CERT1: variants seen among roughly 807,000 people sequenced by gnomAD.
CERT1 encodes the protein ceramide transfer protein.
CERT1 carries 31 observed loss-of-function variants against 87.9 expected under a neutral mutation model. The ratio of observed to expected loss-of-function variants is 0.35; its 90% CI spans 0.27 to 0.48. The LOEUF is 0.48. CERT1 is among the 20% of genes least tolerant of loss of function. The pLI is 0.99. For synonymous variants in CERT1, 289 were observed against 250.9 expected, an observed-to-expected ratio of 1.15 and a Z score of -1.44; for missense variants, 487 against 758.0, an observed-to-expected ratio of 0.64 and a Z score of 4.20.
At chr5:75,386,698 T>G (rs750541816) in intron 12 of CERT1, among the ~76,000 whole-genome samples, 2 of 152,218 alleles carry the variant, frequency 1.3e-5, no homozygotes, top group Non-Finnish European at 2.9e-5. Context: ...GGCTGGACAC[T>G]GTTAGGCATT....
intron 2 of CERT1, among the ~76,000 whole-genome samples, chr5:75,486,220 A>T (rs917251232): frequency 6.6e-6 from 1 of 152,152 alleles, no homozygotes; most frequent in Non-Finnish European, 1.5e-5. Context: ...TACGTGGTAC[A>T]TTATATCCAC....
intron 2 of CERT1, among the ~76,000 whole-genome samples, chr5:75,501,672 T>G (rs1767375938): frequency 6.6e-6 from 1 of 151,804 alleles, no homozygotes; most frequent in Non-Finnish European, 1.5e-5. Flanking sequence ...CAGAAGAGAG[T>G]CCAGAAACAA....
At chr5:75,452,117 C>T (rs1254848477) in intron 3 of CERT1, among the ~76,000 whole-genome samples, 1 of 152,158 alleles carries the variant, frequency 6.6e-6, no homozygotes, top group African/African-American at 2.4e-5. Flanking sequence ...TTCATTGATG[C>T]TTCACACATG....
chr5:75,464,265 G>A (rs1297805383), intron 2 of CERT1, among the ~76,000 whole-genome samples: 1 of 152,086 alleles, frequency 6.6e-6, no homozygotes, highest in African/African-American at 2.4e-5. Flanking sequence ...CATGGATGGA[G>A]CTGAGACCAG....
At chr5:75,483,138 A>C (rs2112397282) in intron 2 of CERT1, among the ~76,000 whole-genome samples, 1 of 152,334 alleles carries the variant, frequency 6.6e-6, no homozygotes, top group South Asian at 2.1e-4. Flanking sequence ...ATGAAGCTGA[A>C]GATAAACAGA....
intron 7 of CERT1, among the ~76,000 whole-genome samples, chr5:75,415,669 CA>C (rs975170733): frequency 3.3e-5 from 5 of 151,808 alleles, no homozygotes; most frequent in African/African-American, 1.2e-4. Flanking sequence ...AGAAAGTTGC[CA>C]AAAAGTTGGA....
intron 3 of CERT1, among the ~76,000 whole-genome samples, chr5:75,449,895 T>C (rs1373574448): frequency 1.3e-5 from 2 of 152,226 alleles, no homozygotes; most frequent in African/African-American, 4.8e-5. Context: ...CCTAAACTTT[T>C]TGTATTGATT....
At chr5:75,421,285 T>G (rs1300116827) in intron 5 of CERT1, among the ~76,000 whole-genome samples, 1 of 152,230 alleles carries the variant, frequency 6.6e-6, no homozygotes, top group Non-Finnish European at 1.5e-5. Context: ...TTCGATACCT[T>G]ATTTCCCTTC....
chr5:75,481,392 T>C (rs943094125), intron 2 of CERT1, among the ~76,000 whole-genome samples: 1 of 152,170 alleles, frequency 6.6e-6, no homozygotes, highest in Non-Finnish European at 1.5e-5. Flanking sequence ...ATAGTTACTA[T>C]AGTATATAAT....
intron 11 of CERT1, among the ~76,000 whole-genome samples, chr5:75,396,743 A>AC (rs1762271717): frequency 6.6e-6 from 1 of 151,780 alleles, no homozygotes; most frequent in African/African-American, 2.4e-5. Flanking sequence ...AAAAAAAAAA[A>AC]AACAAAAAAC....
chr5:75,409,994 G>C (rs1580731386), intron 8 of CERT1, among the ~76,000 whole-genome samples: 1 of 151,982 alleles, frequency 6.6e-6, no homozygotes, highest in African/African-American at 2.4e-5. Flanking sequence ...TTATAGAGAT[G>C]AAGTCTTGCT....
intron 17 of CERT1, chr5:75,370,300 G>C (rs1316269259): frequency 1.3e-5 from 2 of 152,170 alleles, no homozygotes; most frequent in African/African-American, 4.8e-5. Context: ...TGAAATGGAA[G>C]TCCACACTTC....
intron 3 of CERT1, among the ~76,000 whole-genome samples, chr5:75,442,364 G>A (rs1470476215): frequency 6.6e-6 from 1 of 152,096 alleles, no homozygotes. Context: ...GGGACTACAG[G>A]TGCACACCAC....
intron 3 of CERT1, among the ~76,000 whole-genome samples, chr5:75,445,458 T>G (rs1423946458): frequency 6.6e-6 from 1 of 152,180 alleles, no homozygotes; most frequent in African/African-American, 2.4e-5. Context: ...AATTTCTCCC[T>G]CACTTTATTC....
intron 2 of CERT1, among the ~76,000 whole-genome samples, chr5:75,481,453 A>AT (rs1435044873): frequency 2.0e-5 from 3 of 152,204 alleles, no homozygotes; most frequent in African/African-American, 7.2e-5. Flanking sequence ...AAATACGGTA[A>AT]TATTTAGCCA....
Position 75,511,237 on chromosome 5 carries a change from C to A in CERT1, c.-30G>T. The A allele has an allele frequency of 6.2e-7, 1 of 1,609,702 alleles. No individual in the cohort carries two copies. The highest frequency in any genetic ancestry group is 8.5e-7 in the Non-Finnish European group (1 of 1,178,308). ...GCTCGACAACCGAGCAGGAGACCGG[C>A]CCCCGCTCCCTCAGCTGCGCCGGAG... On this transcript the variant is annotated 5_prime_UTR_variant, in exon 1 of 17. Transcript: ENST00000643780.
At chr5:75,448,759 A>G (rs1169352939) in intron 3 of CERT1, among the ~76,000 whole-genome samples, 2 of 152,208 alleles carry the variant, frequency 1.3e-5, no homozygotes, top group African/African-American at 2.4e-5. Flanking sequence ...AAATTTAAAT[A>G]CCACATTAGG....
chr5:75,470,461 G>A (rs1765656282), intron 2 of CERT1, among the ~76,000 whole-genome samples: 7 of 152,014 alleles, frequency 4.6e-5, no homozygotes, highest in Admixed American at 4.6e-4. Context: ...TCCAACAATG[G>A]TTCAACACAA....
chr5:75,426,898 C>A (rs1425358540), intron 3 of CERT1, among the ~76,000 whole-genome samples: 2 of 152,170 alleles, frequency 1.3e-5, no homozygotes, highest in South Asian at 2.1e-4. Flanking sequence ...CTTAATACCA[C>A]AGAACTGTAC....
Sources: allele counts gnomAD v4.1 joint callset (sites outside exome capture counted in the v4.1 genomes callset), GRCh38; gene constraint gnomAD v4.1.1; transcripts MANE v1.5; gene names NCBI Gene and HGNC (gene_info 2026-07-23, HGNC 2026-07-21).